Variants in AP3S1 observed in about 807,000 individuals in gnomAD.
AP3S1 encodes the protein adaptor related protein complex 3 subunit sigma 1, also known as AP-3 complex subunit sigma-1.
Under a neutral mutation model 21.3 loss-of-function variants are expected in AP3S1, and 12 were observed. The observed-to-expected ratio is 0.56, with a 90% CI of 0.36 to 0.91. AP3S1 has a LOEUF of 0.91. AP3S1 is among the 40% of genes least tolerant of loss of function. The pLI, the probability that AP3S1 is intolerant of heterozygous loss-of-function variation, is 0.01. For missense variants in AP3S1, 116 were observed against 225.0 expected, an observed-to-expected ratio of 0.52 and a Z score of 3.10; for synonymous variants, 48 against 78.4, an observed-to-expected ratio of 0.61 and a Z score of 2.05.
At chr5:115,855,926 A>G (rs1762770686) in intron 1 of AP3S1, among the ~76,000 whole-genome samples, 1 of 152,296 alleles carries the variant, frequency 6.6e-6, no homozygotes, top group East Asian at 1.9e-4. Context: ...CCTGTGTGAT[A>G]TATGCATAAG....
At chr5:115,878,055 T>C (rs1312942853) in intron 3 of AP3S1, among the ~76,000 whole-genome samples, 8 of 152,212 alleles carry the variant, frequency 5.3e-5, no homozygotes, top group Non-Finnish European at 1.0e-4. Context: ...TTGTTTGCTT[T>C]TTCCTTGTAA....
intron 5 of AP3S1, among the ~76,000 whole-genome samples, chr5:115,904,800 C>T (rs2112577241): frequency 6.6e-6 from 1 of 152,086 alleles, no homozygotes; most frequent in South Asian, 2.1e-4. Flanking sequence ...ATTTGTTAAA[C>T]ATTGCTTTGC....
At chr5:115,889,238 C>G (rs1362456428) in intron 3 of AP3S1, among the ~76,000 whole-genome samples, 2 of 151,996 alleles carry the variant, frequency 1.3e-5, no homozygotes, top group African/African-American at 2.4e-5. Context: ...CCAAGATGGT[C>G]TTCTCATGGT....
At chr5:115,897,274 C>A (rs10071790) in intron 4 of AP3S1, among the ~76,000 whole-genome samples, 23,185 of 152,038 alleles carry the variant, frequency 0.15, 1,949 homozygotes, top group African/African-American at 0.19. Context: ...TTTTACACAA[C>A]ACTATATCAC....
chr5:115,869,425 A>G (rs560910259), intron 2 of AP3S1, among the ~76,000 whole-genome samples: 1 of 152,238 alleles, frequency 6.6e-6, no homozygotes, highest in African/African-American at 2.4e-5. Flanking sequence ...CCCATGATCT[A>G]ATTTCCGCCT....
At chr5:115,855,346 A>G (rs754593194) in intron 1 of AP3S1, among the ~76,000 whole-genome samples, 34 of 151,532 alleles carry the variant, frequency 2.2e-4, no homozygotes, top group Non-Finnish European at 1.0e-4. Flanking sequence ...GTCCTATTTT[A>G]ATATTTTTAT....
intron 5 of AP3S1, among the ~76,000 whole-genome samples, chr5:115,907,379 A>G (rs549059549): frequency 6.6e-5 from 10 of 152,294 alleles, no homozygotes; most frequent in African/African-American, 2.4e-4. Flanking sequence ...GTGAAGGCTT[A>G]GAATAGTGAC....
At chr5:115,882,580 C>T (rs1197491489) in intron 3 of AP3S1, among the ~76,000 whole-genome samples, 1 of 152,152 alleles carries the variant, frequency 6.6e-6, no homozygotes, top group South Asian at 2.1e-4. Context: ...AAGGTTCGTC[C>T]CAGAGGGGCA....
In AP3S1 at chr5:115,882,576, C is replaced by G. The variant is rs189541130; in HGVS notation, c.273+12448C>G. ...TGCCTGTTCCTTCCTCTGGAAGGTT[C>G]GTCCCAGAGGGGCACCCGCCAGATG... On this transcript the variant is annotated intron_variant, in intron 3 of 5. Transcript: ENST00000316788. Among the ~76,000 whole-genome samples the G allele has an allele frequency of 2.4e-3, 370 of 152,306 alleles. 2 individuals carry two copies. The highest frequency in any genetic ancestry group is 8.4e-3 in the African/African-American group (349 of 41,580).
chr5:115,913,324 G>A (rs1297029929), intron 5 of AP3S1, 38 bp from the exon 6 acceptor site: 42 of 1,148,448 alleles, frequency 3.7e-5, no homozygotes, highest in Non-Finnish European at 4.5e-5. Flanking sequence ...CACCTGAGTT[G>A]TACATTTTCT....
Position 115,902,879 on chromosome 5 carries a change from C to T in AP3S1, c.346-6C>T, listed in dbSNP as rs1227000323. On this transcript the variant is annotated splice_polypyrimidine_tract_variant and splice_region_variant and intron_variant, in intron 4 of 5. Transcript: ENST00000316788. Reference sequence around the variant, plus strand: ...TTATGGGTATATATTCTTTTATTCCCTTTAGGTTCACAATATTCTTGCAGA... The same window carrying T: ...TTATGGGTATATATTCTTTTATTCCTTTTAGGTTCACAATATTCTTGCAGA... 5 of 241,954 alleles carry T rather than the reference C, an allele frequency of 2.1e-5. No individual in the cohort carries two copies. Among genetic ancestry groups the T allele is most frequent in the African/African-American group, 5.7e-5 (2 of 35,052 alleles). 15.0% of individuals were successfully genotyped at this position (241,954 alleles called of 1,614,324 possible). A position where few individuals can be genotyped will look rare whatever the true frequency, so the allele number is the denominator to read the frequency against.
chr5:115,879,957 T>A (rs1749125120), intron 3 of AP3S1, among the ~76,000 whole-genome samples: 1 of 152,200 alleles, frequency 6.6e-6, no homozygotes, highest in Admixed American at 6.5e-5. Context: ...GTCCAGGAAT[T>A]TATCCATTTC....
chr5:115,860,821 G>T (rs974323231), intron 1 of AP3S1, among the ~76,000 whole-genome samples: 4 of 152,144 alleles, frequency 2.6e-5, no homozygotes, highest in Non-Finnish European at 5.9e-5. Flanking sequence ...AACAAAGGCA[G>T]ATGTGTGTTT....
intron 3 of AP3S1, among the ~76,000 whole-genome samples, chr5:115,889,297 TTAAG>T (rs1383183975): frequency 6.6e-6 from 1 of 151,874 alleles, no homozygotes; most frequent in East Asian, 1.9e-4. Context: ...ACTAGAAAAA[TTAAG>T]AAAGAAAAAA....
intron 3 of AP3S1, among the ~76,000 whole-genome samples, chr5:115,878,151 G>T (rs1748898604): frequency 6.6e-6 from 1 of 152,156 alleles, no homozygotes; most frequent in Non-Finnish European, 1.5e-5. Flanking sequence ...TCTGTAGGTT[G>T]CCTGTTCACT....
intron 3 of AP3S1, among the ~76,000 whole-genome samples, chr5:115,870,945 G>C (rs1045919024): frequency 1.3e-5 from 2 of 152,188 alleles, no homozygotes; most frequent in African/African-American, 2.4e-5. Context: ...GCATTTGCTT[G>C]CACGAATTCT....
chr5:115,842,624 G>T (rs1354094717), intron 1 of AP3S1: 1 of 153,772 alleles, frequency 6.5e-6, no homozygotes, highest in Non-Finnish European at 1.4e-5. Context: ...GTTTTTCACT[G>T]TGGTCCTCTC....
intron 3 of AP3S1, among the ~76,000 whole-genome samples, chr5:115,889,354 A>G (rs1750078526): frequency 6.6e-6 from 1 of 152,208 alleles, no homozygotes; most frequent in Non-Finnish European, 1.5e-5. Context: ...TAAATCTAAT[A>G]ATGATTTAAA....
chr5:115,857,736 T>C (rs2112800602), intron 1 of AP3S1, among the ~76,000 whole-genome samples: 1 of 152,340 alleles, frequency 6.6e-6, no homozygotes, highest in East Asian at 1.9e-4. Context: ...ATTCTGCTAT[T>C]AAAAATGATT....
Sources: gnomAD v4.1 joint callset for allele counts (sites outside exome capture counted in the v4.1 genomes callset) on GRCh38, gnomAD v4.1.1 for gene constraint, MANE v1.5 for transcripts, NCBI Gene and HGNC (gene_info 2026-07-23, HGNC 2026-07-21) for gene names.